CACNA2D2: variants seen among roughly 807,000 people sequenced by gnomAD.
The protein encoded by CACNA2D2 is calcium voltage-gated channel auxiliary subunit alpha2delta 2.
Under a neutral mutation model 166.4 loss-of-function variants are expected in CACNA2D2, and 48 were observed. The ratio of observed to expected loss-of-function variants is 0.29; its 90% CI spans 0.23 to 0.37. The LOEUF is 0.37. Ranked by LOEUF, CACNA2D2 falls within the 10% of genes least tolerant of loss-of-function variation. The pLI is 1.00. For missense variants in CACNA2D2, 1,122 were observed against 1,433.0 expected (o/e 0.78, Z 3.50); for synonymous variants, 561 against 573.7 (o/e 0.98, Z 0.32).
intron 3 of CACNA2D2, among the ~76,000 whole-genome samples, chr3:50,405,560 C>T (rs939467907): frequency 1.3e-5 from 2 of 152,202 alleles, no homozygotes; most frequent in Non-Finnish European, 2.9e-5. Flanking sequence ...CAGGCATAAC[C>T]TTGAGTAATG....
rs1273803794 is a variant in CACNA2D2 at position 50,364,599 on chromosome 3, G to A, written c.*67C>T. 3.5e-6 allele frequency: 5 copies of A among 1,442,504 alleles called. No homozygotes were observed. In the African/African-American group the frequency reaches 4.3e-5, roughly 12 times the overall value. The allele number at this position is 1,442,504 out of a possible 1,614,324, so 89.4% of individuals were successfully genotyped here. ...CGAGGCTCTAAGGCGGGGAGTGTGGGGCAGGAGGGTGGGAAAGGCGAAGAG... is the reference window on the plus strand; with the variant it reads ...CGAGGCTCTAAGGCGGGGAGTGTGGAGCAGGAGGGTGGGAAAGGCGAAGAG... On this transcript the variant is annotated 3_prime_UTR_variant, in exon 38 of 38. Coordinates refer to ENST00000424201, the MANE Select transcript of CACNA2D2 (RefSeq NM_006030.4).
rs1559873138 is a variant in CACNA2D2 at position 50,366,048 on chromosome 3, G to A, written c.2825C>T (p.Pro942Leu). The A allele has an allele frequency of 6.2e-7, 1 of 1,613,490 alleles. No homozygotes were observed. Among genetic ancestry groups the A allele is most frequent in the African/African-American group, 1.3e-5 (1 of 75,046 alleles). ...DYQAACAPQP[P>L]GNLGAAPRGV... is the part of the protein sequence containing the mutation. The stretch of plus-strand genomic sequence containing the variant: ...CCGGGGTGCAGCACCCAGGTTGCCA[G>A]GGGGCTGAGGGGCACAGGCTGCCTG... Residue 942 changes from proline to leucine, a missense_variant, in exon 32 of 38, where the codon CCT (proline) becomes CTT (leucine). Physicochemically the swap from Pro to Leu is moderately conservative, Grantham distance 98. Around this residue, in one of 2 missense-constraint regions of CACNA2D2, gnomAD observed 282 missense variants for 266.2 expected, o/e 1.06. Coordinates refer to ENST00000424201, the MANE Select transcript of CACNA2D2 (RefSeq NM_006030.4). The surrounding 1 kb of genome is among the most constrained non-coding windows in gnomAD (Gnocchi z 5.9).
rs1699053351 is a variant in CACNA2D2 at position 50,503,145 on chromosome 3, G to A, written c.206+73C>T. 2.3e-6 allele frequency: 2 copies of A among 888,036 alleles called. 1 individual carries two copies. The highest frequency in any genetic ancestry group is 9.1e-4 in the Middle Eastern group (2 of 2,196). 55.0% of individuals were successfully genotyped at this position (888,036 alleles called of 1,614,324 possible). A position where few individuals can be genotyped will look rare whatever the true frequency, so the allele number is the denominator to read the frequency against. On this transcript the variant is annotated intron_variant, in intron 1 of 37. Coordinates refer to ENST00000424201, the MANE Select transcript of CACNA2D2 (RefSeq NM_006030.4). ...TGCCCTGGCGCGGAGCGCAGGGAAG[G>A]AGTAGCGCGGACCGGGGGCAGAGCG...
At chr3:50,437,926 A>G (rs1197197576) in intron 2 of CACNA2D2, among the ~76,000 whole-genome samples, 7 of 152,268 alleles carry the variant, frequency 4.6e-5, no homozygotes, top group African/African-American at 1.4e-4. Flanking sequence ...GAAAAAGCCA[A>G]CTGCTCCCAC....
chr3:50,488,966 C>T (rs1698408138), intron 1 of CACNA2D2, among the ~76,000 whole-genome samples: 1 of 152,142 alleles, frequency 6.6e-6, no homozygotes, highest in African/African-American at 2.4e-5. Context: ...TCCCAAAGTG[C>T]TGGGATTATA....
chr3:50,411,417 G>C (rs1406712850), intron 3 of CACNA2D2, among the ~76,000 whole-genome samples: 1 of 152,166 alleles, frequency 6.6e-6, no homozygotes, highest in Non-Finnish European at 1.5e-5. Context: ...AGAGTGGAGG[G>C]GAGGGGCTTC....
Position 50,379,038 on chromosome 3 carries a change from C to T in CACNA2D2, c.1261-45G>A. 1 of 1,612,356 alleles carries T rather than the reference C, an allele frequency of 6.2e-7. No homozygotes were observed. Among genetic ancestry groups the T allele is most frequent in the Non-Finnish European group, 8.5e-7 (1 of 1,178,594 alleles). ...ACTGCTGTGGCCACCAGGGGACAGC[C>T]CTCTTCTGTACTGGGCCCAGGTCAG... On this transcript the variant is annotated intron_variant, in intron 12 of 37. Coordinates refer to ENST00000424201, the MANE Select transcript of CACNA2D2 (RefSeq NM_006030.4). This position sits in a 1 kb window ranked among gnomAD's most constrained non-coding sequence, Gnocchi z 6.5.
chr3:50,487,816 C>T (rs1346323522), intron 1 of CACNA2D2, among the ~76,000 whole-genome samples: 1 of 152,156 alleles, frequency 6.6e-6, no homozygotes, highest in Non-Finnish European at 1.5e-5. Context: ...TCTGTAAATT[C>T]CCAACTAGCT....
chr3:50,366,952 C>T lies in CACNA2D2; in HGVS notation c.2501-33G>A, dbSNP rs760702515. 2 of 1,613,286 alleles carry T rather than the reference C, an allele frequency of 1.2e-6. No homozygotes were observed. Among genetic ancestry groups the T allele is most frequent in the Non-Finnish European group, 1.7e-6 (2 of 1,179,544 alleles). On this transcript the variant is annotated intron_variant, in intron 28 of 37. Transcript: ENST00000424201. This position sits in a 1 kb window ranked among gnomAD's most constrained non-coding sequence, Gnocchi z 5.9. The stretch of plus-strand genomic sequence containing the variant: ...GGAGAGCAAGGGACCATCAGTGCTA[C>T]CTGCCCAGGCAGTACCCTGTCCATT...
Position 50,379,338 on chromosome 3 carries a change from G to A in CACNA2D2, c.1152+94C>T. 1 of 1,511,704 alleles carries A rather than the reference G, an allele frequency of 6.6e-7. No individual in the cohort carries two copies. The highest frequency in any genetic ancestry group is 9.1e-7 in the Non-Finnish European group (1 of 1,102,132). 93.6% of individuals were successfully genotyped at this position (1,511,704 alleles called of 1,614,324 possible). ...GCTATCTGTCCAAGCTGCCTGTTTG[G>A]TGCTAACGAGGCCATCCGTCTTGAT... On this transcript the variant is annotated intron_variant, in intron 11 of 37. Transcript: ENST00000424201. The surrounding 1 kb of genome is among the most constrained non-coding windows in gnomAD (Gnocchi z 6.5).
Position 50,379,674 on chromosome 3 carries a change from C to G in CACNA2D2, c.993+51G>C, listed in dbSNP as rs759277885. The G allele has an allele frequency of 6.2e-7, 1 of 1,611,996 alleles. No homozygotes were observed. The highest frequency in any genetic ancestry group is 1.7e-4 in the Middle Eastern group (1 of 6,060). On this transcript the variant is annotated intron_variant, in intron 10 of 37. Coordinates refer to ENST00000424201, the MANE Select transcript of CACNA2D2 (RefSeq NM_006030.4). The surrounding 1 kb of genome is among the most constrained non-coding windows in gnomAD (Gnocchi z 6.5). The stretch of plus-strand genomic sequence containing the variant: ...ATGGGGCTGGTGATGGTCACAGGAG[C>G]AGGGCAGATGGGGTGACCCATTTCA...
intron 2 of CACNA2D2, among the ~76,000 whole-genome samples, chr3:50,466,124 C>A (rs1337895158): frequency 6.6e-6 from 1 of 152,182 alleles, no homozygotes; most frequent in African/African-American, 2.4e-5. Flanking sequence ...GGCCTATGAT[C>A]TCCACAGTAG....
At chr3:50,381,837 C>T (rs1488575842) in intron 6 of CACNA2D2, among the ~76,000 whole-genome samples, 3 of 152,132 alleles carry the variant, frequency 2.0e-5, no homozygotes, top group African/African-American at 7.2e-5. Flanking sequence ...CAAGGGCACA[C>T]ACGTTCATGC....
chr3:50,383,315 G>C (rs1374122333), intron 6 of CACNA2D2, among the ~76,000 whole-genome samples: 2 of 152,132 alleles, frequency 1.3e-5, no homozygotes, highest in Admixed American at 6.5e-5. Context: ...AGGACCCTGG[G>C]AATTCCCTGC....
At chr3:50,452,957 AAT>A (rs1709173442) in intron 2 of CACNA2D2, among the ~76,000 whole-genome samples, 1 of 152,174 alleles carries the variant, frequency 6.6e-6, no homozygotes, top group South Asian at 2.1e-4. Flanking sequence ...TCCCTGCTAA[AAT>A]CTAGGATTTC....
rs556854641 is a variant in CACNA2D2, at chr3:50,437,232, G to C, written c.289-2803C>G. ...GCATCTTTCTGCCGACCCTGGTCTGGGTCCCATCAAGCCCACTGACCTGTC... is the reference window on the plus strand; with the variant it reads ...GCATCTTTCTGCCGACCCTGGTCTGCGTCCCATCAAGCCCACTGACCTGTC... On this transcript the variant is annotated intron_variant, in intron 2 of 37. Coordinates refer to ENST00000424201, the MANE Select transcript of CACNA2D2 (RefSeq NM_006030.4). Among the ~76,000 whole-genome samples, 66 of 152,218 alleles carry C rather than the reference G, an allele frequency of 4.3e-4. No homozygotes were observed. In the East Asian group the frequency reaches 0.012, roughly 28 times the overall value.
chr3:50,381,089 G>T lies in CACNA2D2; in HGVS notation c.690C>A (p.Ala230=), dbSNP rs368241904. 1 of 1,613,946 alleles carries T rather than the reference G, an allele frequency of 6.2e-7. No individual in the cohort carries two copies. The highest frequency in any genetic ancestry group is 8.5e-7 in the Non-Finnish European group (1 of 1,179,948). ...GGTTTTCCATGAACACATTCTCCAG[G>T]GCCTCTGTCCAGTTGAGCTCATTGA... ...VILNELNWTE[A]LENVFMENRR... is the part of the protein sequence containing the mutation. The change falls in exon 7 of 38, where the codon GCC becomes GCA. Residue 230 remains alanine, a synonymous_variant. Transcript: ENST00000424201.
At chr3:50,419,440 C>A (rs1200176073) in intron 3 of CACNA2D2, among the ~76,000 whole-genome samples, 1 of 152,156 alleles carries the variant, frequency 6.6e-6, no homozygotes, top group East Asian at 1.9e-4. Flanking sequence ...GTCGGGAATT[C>A]TACAAGGGAA....
chr3:50,394,830 A>T (rs1706066630), intron 3 of CACNA2D2, among the ~76,000 whole-genome samples: 1 of 152,232 alleles, frequency 6.6e-6, no homozygotes, highest in Non-Finnish European at 1.5e-5. Context: ...GACTGTGCTG[A>T]CTGGTGGAGG....
Sources: allele counts gnomAD v4.1 joint callset (sites outside exome capture counted in the v4.1 genomes callset), GRCh38; gene constraint gnomAD v4.1.1; regional missense constraint gnomAD v4.1.1; non-coding constraint Gnocchi (gnomAD v3.1); transcripts MANE v1.5; gene names NCBI Gene and HGNC (gene_info 2026-07-23, HGNC 2026-07-21).